The following USH2A variants were observed in gnomAD, a reference collection of about 807,000 sequenced individuals.
The protein encoded by USH2A is Usher syndrome 2A (autosomal recessive, mild).
USH2A carries 443 observed loss-of-function variants against 538.9 expected under a neutral mutation model. The observed-to-expected ratio is 0.82, with a 90% confidence interval of 0.76 to 0.89. USH2A has a LOEUF of 0.89. Among genes scored for constraint, USH2A ranks in the 40% least tolerant of loss-of-function variants. The pLI, the probability that USH2A is intolerant of heterozygous loss-of-function variation, is 0.00. For missense variants in USH2A, 6,633 were observed against 6,324.8 expected (o/e 1.05, Z -1.65); for synonymous variants, 2,413 against 2,273.5 (o/e 1.06, Z -1.75).
At position 216,373,232 on chromosome 1, in the gene USH2A, G is replaced by A. The variant is rs544651663; in HGVS notation, c.652-8147C>T. On this transcript the variant is annotated intron_variant, in intron 3 of 71. Coordinates refer to ENST00000307340, the MANE Select transcript of USH2A (RefSeq NM_206933.4). ...ATTTACAATCTGTAATAGAAATGGC[G>A]TATAAAATACTTTCAATGAAAGGAG... 3.9e-5 allele frequency among the ~76,000 whole-genome samples: 6 copies of A among 152,200 alleles called. No homozygotes were observed. In the South Asian group the frequency reaches 6.2e-4, roughly 16 times the overall value.
intron 19 of USH2A, among the ~76,000 whole-genome samples, chr1:216,190,855 G>A (rs1371323155): frequency 1.3e-5 from 2 of 151,854 alleles, no homozygotes; most frequent in African/African-American, 2.4e-5. Context: ...GAAGAAAAAG[G>A]GGAAAAAATT....
At chr1:216,101,716 T>C (rs552557360) in intron 21 of USH2A, among the ~76,000 whole-genome samples, 1 of 152,234 alleles carries the variant, frequency 6.6e-6, no homozygotes, top group Non-Finnish European at 1.5e-5. Flanking sequence ...TTTCAAAAAA[T>C]GAGACAGGAA....
intron 37 of USH2A, among the ~76,000 whole-genome samples, chr1:215,937,067 T>C (rs1310369313): frequency 6.6e-6 from 1 of 152,086 alleles, no homozygotes; most frequent in Non-Finnish European, 1.5e-5. Context: ...AAGAAAGCCC[T>C]AATGGCATAA....
At chr1:215,674,038 G>A (rs991790072) in intron 63 of USH2A, 62 bp downstream of exon 63, 17 of 1,612,974 alleles carry the variant, frequency 1.1e-5, no homozygotes, top group Admixed American at 1.7e-5. Flanking sequence ...CTGACCAAGG[G>A]CTCAGGCAAT....
chr1:215,713,456 A>T (rs986686405), intron 61 of USH2A, among the ~76,000 whole-genome samples: 6 of 151,772 alleles, frequency 4.0e-5, no homozygotes, highest in Non-Finnish European at 8.8e-5. Flanking sequence ...TTTTTTTTTT[A>T]AATCAGTTGT....
intron 70 of USH2A, among the ~76,000 whole-genome samples, chr1:215,630,891 A>G (rs1428239529): frequency 6.6e-6 from 1 of 151,772 alleles, no homozygotes; most frequent in Non-Finnish European, 1.5e-5. Context: ...TGGTGAGTGG[A>G]AATTAATTGA....
At chr1:216,098,289 G>C (rs1164147072) in intron 21 of USH2A, among the ~76,000 whole-genome samples, 1 of 152,090 alleles carries the variant, frequency 6.6e-6, no homozygotes, top group African/African-American at 2.4e-5. Context: ...CAGTTTAGTT[G>C]AAAATATTAA....
At chr1:216,157,389 G>A (rs377685822) in intron 21 of USH2A, among the ~76,000 whole-genome samples, 21 of 152,328 alleles carry the variant, frequency 1.4e-4, no homozygotes, top group African/African-American at 5.1e-4. Flanking sequence ...ATGTAAATTA[G>A]TTCAGCCACT....
intron 54 of USH2A, among the ~76,000 whole-genome samples, chr1:215,781,820 C>T (rs1661650180): frequency 6.6e-6 from 1 of 152,138 alleles, no homozygotes; most frequent in African/African-American, 2.4e-5. Context: ...ACTTGTTTTT[C>T]ATTAACACAA....
intron 49 of USH2A, among the ~76,000 whole-genome samples, chr1:215,808,262 T>A (rs905702180): frequency 6.6e-6 from 1 of 152,042 alleles, no homozygotes; most frequent in Non-Finnish European, 1.5e-5. Context: ...TACTAACATA[T>A]GAGAAAAATA....
chr1:216,410,641 C>A (rs1228255952), intron 3 of USH2A, among the ~76,000 whole-genome samples: 1 of 151,872 alleles, frequency 6.6e-6, no homozygotes, highest in Non-Finnish European at 1.5e-5. Context: ...AGAATTATTA[C>A]CCTAAACTGG....
intron 4 of USH2A, among the ~76,000 whole-genome samples, chr1:216,339,853 A>C (rs2038042144): frequency 6.6e-6 from 1 of 151,998 alleles, no homozygotes; most frequent in Non-Finnish European, 1.5e-5. Context: ...AGGGAAATTT[A>C]TAGCACTAAA....
intron 21 of USH2A, among the ~76,000 whole-genome samples, chr1:216,167,905 A>C (rs1479576969): frequency 6.6e-6 from 1 of 152,068 alleles, no homozygotes; most frequent in Non-Finnish European, 1.5e-5. Context: ...CTTCTAAAAC[A>C]TTTCTTTAGA....
intron 9 of USH2A, among the ~76,000 whole-genome samples, chr1:216,299,192 G>A (rs2037165835): frequency 6.6e-6 from 1 of 151,824 alleles, no homozygotes; most frequent in Non-Finnish European, 1.5e-5. Context: ...TTTAATAATG[G>A]GGTGTTGATA....
At chr1:216,270,761 G>A (rs1329652715) in intron 11 of USH2A, among the ~76,000 whole-genome samples, 1 of 150,682 alleles carries the variant, frequency 6.6e-6, no homozygotes, top group African/African-American at 2.4e-5. Flanking sequence ...CTAGGCTGGA[G>A]TGCAGTGGCA....
chr1:216,304,270 A>C (rs892198669), intron 9 of USH2A, among the ~76,000 whole-genome samples: 1 of 152,030 alleles, frequency 6.6e-6, no homozygotes, highest in East Asian at 1.9e-4. Flanking sequence ...CTATGTGCCA[A>C]GTGACAGCAA....
At chr1:215,830,988 C>A (rs1329917347) in intron 47 of USH2A, among the ~76,000 whole-genome samples, 1 of 151,984 alleles carries the variant, frequency 6.6e-6, no homozygotes, top group East Asian at 1.9e-4. Flanking sequence ...ATTTTTATAA[C>A]GTAATATTCA....
At chr1:215,747,891 G>GTTTTTT (rs971161483) in intron 58 of USH2A, among the ~76,000 whole-genome samples, 8 of 93,366 alleles carry the variant, frequency 8.6e-5, no homozygotes, top group African/African-American at 3.0e-4. Flanking sequence ...TGTTTGTTTG[G>GTTTTTT]TTTTTTTTTT....
At position 216,056,418 on chromosome 1, in the gene USH2A, C is replaced by G. The variant is rs555224523; in HGVS notation, c.6050-7771G>C. On this transcript the variant is annotated intron_variant, in intron 30 of 71. Transcript: ENST00000307340. ...TTATTCCATTGTACAGAGGAGGCTG[C>G]TTTTGGAGTGAGTGTACTGTATGGT... 1.1e-4 allele frequency among the ~76,000 whole-genome samples: 17 copies of G among 152,234 alleles called. No homozygotes were observed. The South Asian group carries it at 3.3e-3, about 30-fold the overall frequency.
Sources: gnomAD v4.1 joint callset for allele counts (sites outside exome capture counted in the v4.1 genomes callset) on GRCh38, gnomAD v4.1.1 for gene constraint, MANE v1.5 for transcripts, NCBI Gene and HGNC (gene_info 2026-07-23, HGNC 2026-07-21) for gene names.